Variants in STK3 observed in about 807,000 individuals in gnomAD.
The protein encoded by STK3 is serine/threonine-protein kinase 3.
Under a neutral mutation model 58.0 loss-of-function variants are expected in STK3, and 41 were observed. The ratio of observed to expected loss-of-function variants is 0.71; its 90% CI spans 0.55 to 0.92. The LOEUF (loss-of-function observed/expected upper bound fraction) is 0.92. Among genes scored for constraint, STK3 ranks in the 40% least tolerant of loss-of-function variants. STK3 has a pLI of 0.00. For missense variants in STK3, 479 were observed against 602.7 expected (o/e 0.79, Z 2.15); for synonymous variants, 170 against 191.0 (o/e 0.89, Z 0.91).
Position 98,428,561 on chromosome 8 carries a change from C to T in STK3, n.483+5566G>A. On this transcript the variant is annotated intron_variant and non_coding_transcript_variant, in intron 3 of 3. Coordinates refer to the STK3 transcript ENST00000517832. The surrounding 1 kb of genome is among the most constrained non-coding windows in gnomAD (Gnocchi z 6.7). ...GCAGGGTCTTCAGCATCCTGTCCAT[C>T]CTGGTGGTGATGGGGTCCATCATCA... 1 of 1,614,208 alleles carries T rather than the reference C, an allele frequency of 6.2e-7. No individual in the cohort carries two copies. The highest frequency in any genetic ancestry group is 8.5e-7 in the Non-Finnish European group (1 of 1,180,032).
At position 98,793,054 on chromosome 8, in the gene STK3, T is replaced by C. The variant is rs113861079; in HGVS notation, c.27-18235A>G. ...ACCTAGAGGAGATTGGAGACTATTA[T>C]TCTAAGTGAAGTAACTCTGGAATAG... On this transcript the variant is annotated intron_variant, in intron 1 of 10. Coordinates refer to ENST00000419617, the MANE Select transcript of STK3 (RefSeq NM_006281.4). Among the ~76,000 whole-genome samples, 612 of 152,286 alleles carry C rather than the reference T, an allele frequency of 4.0e-3. 7 individuals carry two copies. Among genetic ancestry groups the C allele is most frequent in the African/African-American group, 0.014 (580 of 41,548 alleles).
Position 98,749,238 on chromosome 8 carries a change from T to TA in STK3, c.351+37dup, listed in dbSNP as rs758551045. 4 of 1,404,510 alleles carry TA rather than the reference T, an allele frequency of 2.8e-6. No homozygotes were observed. In the East Asian group the frequency reaches 9.1e-5, roughly 32 times the overall value. 87.0% of individuals were successfully genotyped at this position (1,404,510 alleles called of 1,614,324 possible). ...AGTCAGATTCTAAAATATCAATCTT[T>TA]AGAAATGATATTAGCAAAACAATTT... is the stretch of plus-strand genomic sequence containing the variant. On this transcript the variant is annotated intron_variant, in intron 4 of 10. Coordinates refer to ENST00000419617, the MANE Select transcript of STK3 (RefSeq NM_006281.4).
chr8:98,546,173 T>C (rs564419506), intron 9 of STK3, among the ~76,000 whole-genome samples: 2 of 152,298 alleles, frequency 1.3e-5, no homozygotes, highest in Non-Finnish European at 2.9e-5. Context: ...AAAATCTCTG[T>C]GACAAAAAGT....
chr8:98,662,026 T>C (rs1833483296), intron 6 of STK3, among the ~76,000 whole-genome samples: 1 of 152,158 alleles, frequency 6.6e-6, no homozygotes, highest in Non-Finnish European at 1.5e-5. Context: ...GCATAAAGAT[T>C]GTTTCCTTAC....
chr8:98,934,049 G>A (rs1174877352), intron 1 of STK3, among the ~76,000 whole-genome samples: 1 of 152,126 alleles, frequency 6.6e-6, no homozygotes, highest in East Asian at 1.9e-4. Flanking sequence ...TGCCCCTCTG[G>A]GGAACCCAAG....
At chr8:98,561,402 T>C (rs1465353064) in intron 8 of STK3, among the ~76,000 whole-genome samples, 2 of 151,836 alleles carry the variant, frequency 1.3e-5, no homozygotes, top group East Asian at 3.9e-4. Context: ...CCATAAAACC[T>C]ATAGAAGAAA....
chr8:98,588,000 G>A (rs1048402235), intron 7 of STK3, among the ~76,000 whole-genome samples: 23 of 152,112 alleles, frequency 1.5e-4, no homozygotes, highest in South Asian at 6.2e-4. Context: ...GTCTCTGCAC[G>A]TGAGATGGGT....
intron 8 of STK3, among the ~76,000 whole-genome samples, chr8:98,550,044 A>G (rs192543751): frequency 6.6e-6 from 1 of 152,276 alleles, no homozygotes; most frequent in East Asian, 1.9e-4. Flanking sequence ...GCTATTTAGA[A>G]AAACTTGATT....
intron 10 of STK3, among the ~76,000 whole-genome samples, chr8:98,500,517 C>G (rs1054151451): frequency 6.6e-6 from 1 of 152,190 alleles, no homozygotes; most frequent in Non-Finnish European, 1.5e-5. Flanking sequence ...ACCCCTGCCC[C>G]CTACCCCATG....
At chr8:98,524,060 C>G (rs1431055427) in intron 10 of STK3, among the ~76,000 whole-genome samples, 1 of 152,182 alleles carries the variant, frequency 6.6e-6, no homozygotes, top group Admixed American at 6.5e-5. Context: ...CAACTTCATT[C>G]TTTTGCATGT....
chr8:98,623,820 C>T (rs1342251338), intron 6 of STK3, among the ~76,000 whole-genome samples: 1 of 152,128 alleles, frequency 6.6e-6, no homozygotes, highest in East Asian at 1.9e-4. Context: ...TGTGAGAACA[C>T]ACAGAGAAGG....
At chr8:98,404,037 C>G (rs188877513) in intron 3 of STK3, among the ~76,000 whole-genome samples, 1 of 152,362 alleles carries the variant, frequency 6.6e-6, no homozygotes, top group East Asian at 1.9e-4. Flanking sequence ...ATGCATAATT[C>G]AGAGGTCAGC....
At chr8:98,355,019 C>A in the STK3 span, among the ~76,000 whole-genome samples, 1 of 152,228 alleles carries the variant, frequency 6.6e-6, no homozygotes, top group South Asian at 2.1e-4. Context: ...TCAGGTGACC[C>A]GCCTGCTGGG....
At chr8:98,936,882 G>A (rs1447430020) in intron 1 of STK3, among the ~76,000 whole-genome samples, 2 of 152,248 alleles carry the variant, frequency 1.3e-5, no homozygotes, top group African/African-American at 2.4e-5. Context: ...GCATGGGCCA[G>A]GGATGGTATG....
chr8:98,690,449 CAAA>C (rs34742964), intron 6 of STK3, among the ~76,000 whole-genome samples: 2 of 108,798 alleles, frequency 1.8e-5, no homozygotes, highest in Non-Finnish European at 1.9e-5. Context: ...CAATTCCTAC[CAAA>C]AAAAAAAAAA....
chr8:98,695,151 C>T (rs945352074), intron 6 of STK3, among the ~76,000 whole-genome samples: 4 of 152,144 alleles, frequency 2.6e-5, no homozygotes, highest in Non-Finnish European at 5.9e-5. Context: ...AATGTCTTCT[C>T]TGAGAAGTGT....
chr8:98,744,273 C>T (rs1279684351), intron 4 of STK3, among the ~76,000 whole-genome samples: 2 of 152,108 alleles, frequency 1.3e-5, no homozygotes, highest in Admixed American at 6.5e-5. Flanking sequence ...TATAAAGACA[C>T]ATGCACACGT....
chr8:98,741,377 G>C (rs548112145), intron 4 of STK3, among the ~76,000 whole-genome samples: 1,659 of 152,198 alleles, frequency 0.011, 28 homozygotes, highest in African/African-American at 0.037. Context: ...TAAAAGATCA[G>C]AAATTATAAC....
At chr8:98,665,246 A>C (rs1822250007) in intron 6 of STK3, among the ~76,000 whole-genome samples, 1 of 152,224 alleles carries the variant, frequency 6.6e-6, no homozygotes, top group South Asian at 2.1e-4. Context: ...GAGAGAACAA[A>C]ATGCTGAAAC....
Sources: allele counts gnomAD v4.1 joint callset (sites outside exome capture counted in the v4.1 genomes callset), GRCh38; gene constraint gnomAD v4.1.1; non-coding constraint Gnocchi (gnomAD v3.1); transcripts MANE v1.5; gene names NCBI Gene and HGNC (gene_info 2026-07-23, HGNC 2026-07-21).